IKZF1: variants seen among roughly 807,000 people sequenced by gnomAD.
The protein encoded by IKZF1 is IKAROS family zinc finger 1.
IKZF1 carries 10 observed loss-of-function variants against 51.7 expected under a neutral mutation model. The ratio of observed to expected loss-of-function variants is 0.19; its 90% CI spans 0.12 to 0.33. IKZF1 has a LOEUF of 0.33. Among genes scored for constraint, IKZF1 ranks in the 10% least tolerant of loss-of-function variants. IKZF1 has a pLI of 1.00. For synonymous variants in IKZF1, 280 were observed against 282.3 expected (o/e 0.99, Z 0.08); for missense variants, 484 against 707.5 (o/e 0.68, Z 3.58).
At position 50,326,919 on chromosome 7, in the gene IKZF1, A is replaced by G. The variant is rs1795170893; in HGVS notation, c.41-719A>G. Among the ~76,000 whole-genome samples, 4 of 152,244 alleles carry G rather than the reference A, an allele frequency of 2.6e-5. No individual in the cohort carries two copies. The South Asian group carries it at 8.3e-4, about 32-fold the overall frequency. On this transcript the variant is annotated intron_variant, in intron 2 of 7. Coordinates refer to ENST00000331340, the MANE Select transcript of IKZF1 (RefSeq NM_006060.6). Reference sequence around the variant, plus strand: ...TGGTTCTTGCAAAGAAAGTGAGCAGATGGCAGAATGTATAGCTCTAAGCAG... The same window carrying G: ...TGGTTCTTGCAAAGAAAGTGAGCAGGTGGCAGAATGTATAGCTCTAAGCAG...
intron 4 of IKZF1, among the ~76,000 whole-genome samples, chr7:50,379,452 G>A (rs774302283): frequency 2.6e-5 from 4 of 152,182 alleles, no homozygotes; most frequent in Non-Finnish European, 4.4e-5. Context: ...GCACCAGCAC[G>A]TCACTTCCCC....
intron 3 of IKZF1, among the ~76,000 whole-genome samples, chr7:50,344,452 C>T (rs1799846653): frequency 6.6e-6 from 1 of 152,206 alleles, no homozygotes. Context: ...ACCCACAGGG[C>T]AAGTCATCCA....
chr7:50,349,040 C>T (rs75076973), intron 3 of IKZF1, among the ~76,000 whole-genome samples: 4 of 152,102 alleles, frequency 2.6e-5, no homozygotes, highest in African/African-American at 9.7e-5. Flanking sequence ...GTTTATAACA[C>T]GAACGGAGGT....
intron 3 of IKZF1, among the ~76,000 whole-genome samples, chr7:50,373,861 T>C (rs1162411904): frequency 1.3e-5 from 2 of 152,166 alleles, no homozygotes; most frequent in African/African-American, 4.8e-5. Flanking sequence ...CCAGCCAGCC[T>C]CACTTGCCTG....
At position 50,387,441 on chromosome 7, in the gene IKZF1, G is replaced by A. The variant is rs1359632331; in HGVS notation, c.686G>A (p.Ser229Asn). ...GAGCGCTGCCACAACTACTTGGAAA[G>A]CATGGGCCTTCCGGGCACACTGTAC... ...HKERCHNYLESMGLPGTLYPV... is the reference protein window; with the variant it reads ...HKERCHNYLENMGLPGTLYPV... Residue 229 changes from serine to asparagine, a missense_variant, in exon 6 of 8, where the codon AGC becomes AAC. By Grantham distance (46) the Ser-to-Asn change is conservative. Transcript: ENST00000331340. 1.2e-6 allele frequency: 2 copies of A among 1,612,076 alleles called. No homozygotes were observed. The highest frequency in any genetic ancestry group is 1.7e-6 in the Non-Finnish European group (2 of 1,179,164).
chr7:50,397,193 C>A (rs978760833), intron 7 of IKZF1, among the ~76,000 whole-genome samples: 3 of 152,098 alleles, frequency 2.0e-5, no homozygotes, highest in African/African-American at 7.3e-5. Flanking sequence ...TCTTTCTAGT[C>A]TTTGAGTGTA....
chr7:50,304,579 G>C (rs1170631023), upstream of IKZF1: 1 of 151,446 alleles, frequency 6.6e-6, no homozygotes, highest in Non-Finnish European at 1.5e-5. Context: ...CCGGTCGGCC[G>C]GGAGCGCGAA....
chr7:50,350,672 A>C (rs1801640413), intron 3 of IKZF1, among the ~76,000 whole-genome samples: 1 of 152,202 alleles, frequency 6.6e-6, no homozygotes, highest in South Asian at 2.1e-4. Flanking sequence ...TGTGTCACTG[A>C]AGTGTGAACA....
At position 50,400,171 on chromosome 7, in the gene IKZF1, C is replaced by T. The variant is rs2153518400; in HGVS notation, c.1104C>T (p.Ser368=). 6.4e-7 allele frequency: 1 copy of T among 1,564,178 alleles called. No homozygotes were observed. ...TPRSNHSAQD[S]AVENLLLLSK... The stretch of plus-strand genomic sequence containing the variant: ...GCTCCAACCACTCGGCCCAGGACAG[C>T]GCCGTGGAGAACCTGCTGCTGCTCT... Residue 368 remains serine (S), a synonymous_variant, in exon 8 of 8, where the codon AGC becomes AGT. Coordinates refer to ENST00000331340, the MANE Select transcript of IKZF1 (RefSeq NM_006060.6). This position sits in a 1 kb window ranked among gnomAD's most constrained non-coding sequence, Gnocchi z 5.4.
intron 5 of IKZF1, 91 bp from the exon 6 acceptor site, chr7:50,387,254 C>T: frequency 5.0e-6 from 7 of 1,405,850 alleles, no homozygotes; most frequent in Middle Eastern, 1.9e-4. Flanking sequence ...TTTTTTTTAA[C>T]TTTTTTGGTA....
At chr7:50,319,182 T>C in intron 2 of IKZF1, 81 bp downstream of exon 2, 1 of 1,187,194 alleles carries the variant, frequency 8.4e-7, no homozygotes, top group South Asian at 1.2e-5. Context: ...CTTGGTATGC[T>C]CATGGGGGAG....
chr7:50,341,434 T>C (rs1242317750), intron 3 of IKZF1, among the ~76,000 whole-genome samples: 1 of 152,194 alleles, frequency 6.6e-6, no homozygotes, highest in Non-Finnish European at 1.5e-5. Context: ...TGAGGCACCG[T>C]ATCCAGGCTG....
Position 50,391,751 on chromosome 7 carries a change from C to T in IKZF1, c.738C>T (p.His246=). The T allele has an allele frequency of 6.2e-7, 1 of 1,613,966 alleles. No individual in the cohort carries two copies. Among genetic ancestry groups the T allele is most frequent in the Non-Finnish European group, 8.5e-7 (1 of 1,179,866 alleles). ...LYPVIKEETN[H]SEMAEDLCKI... ...TAGTCATTAAAGAAGAAACTAATCACAGTGAAATGGCAGAAGACCTGTGCA... is the reference window on the plus strand; with the variant it reads ...TAGTCATTAAAGAAGAAACTAATCATAGTGAAATGGCAGAAGACCTGTGCA... The change falls in exon 7 of 8, where the codon CAC becomes CAT. Residue 246 remains histidine, a synonymous_variant. Coordinates refer to ENST00000331340, the MANE Select transcript of IKZF1 (RefSeq NM_006060.6).
chr7:50,310,010 G>A (rs574995775), intron 1 of IKZF1, among the ~76,000 whole-genome samples: 10 of 152,144 alleles, frequency 6.6e-5, no homozygotes, highest in East Asian at 1.9e-4. Context: ...TGAGTTTTGC[G>A]TAGGGCAGAA....
rs1443073764 is a variant in IKZF1, at chr7:50,400,317, A to T, written c.1250A>T (p.His417Leu). Residue 417 changes from histidine (H) to leucine (L), a missense_variant, in exon 8 of 8, where the codon CAC (histidine) becomes CTC (leucine). Physicochemically the swap from His to Leu is moderately conservative, Grantham distance 99 (BLOSUM62 -3). Coordinates refer to ENST00000331340, the MANE Select transcript of IKZF1 (RefSeq NM_006060.6). The surrounding 1 kb of genome is among the most constrained non-coding windows in gnomAD (Gnocchi z 5.4). ...QRSGLIYLTNHIAPHARNGLS... is the reference protein window; with the variant it reads ...QRSGLIYLTNLIAPHARNGLS... ...AGCGGTCTCATCTACCTGACCAACC[A>T]CATCGCCCCGCACGCGCGCAACGGG... 3 of 1,612,832 alleles carry T rather than the reference A, an allele frequency of 1.9e-6. No homozygotes were observed. The highest frequency in any genetic ancestry group is 2.5e-6 in the Non-Finnish European group (3 of 1,179,694).
intron 5 of IKZF1, among the ~76,000 whole-genome samples, chr7:50,384,079 G>C (rs1812649295): frequency 6.6e-6 from 1 of 152,224 alleles, no homozygotes; most frequent in Admixed American, 6.5e-5. Flanking sequence ...TCCTGGGGTG[G>C]AAAGTCAGGA....
chr7:50,392,428 T>C (rs983844530), intron 7 of IKZF1, among the ~76,000 whole-genome samples: 39 of 151,860 alleles, frequency 2.6e-4, no homozygotes, highest in African/African-American at 9.2e-4. Flanking sequence ...TTCGTCTCTC[T>C]AGGAGCATTG....
At chr7:50,388,286 T>A (rs765597723) in intron 6 of IKZF1, among the ~76,000 whole-genome samples, 6 of 152,244 alleles carry the variant, frequency 3.9e-5, no homozygotes, top group Non-Finnish European at 5.9e-5. Flanking sequence ...ATCACTAGAC[T>A]GTGAGTCGAA....
At chr7:50,309,231 T>G (rs1385590860) in intron 1 of IKZF1, among the ~76,000 whole-genome samples, 1 of 152,254 alleles carries the variant, frequency 6.6e-6, no homozygotes, top group Non-Finnish European at 1.5e-5. Flanking sequence ...TTCATTTTTC[T>G]TCTGCAATCA....
Sources: gnomAD v4.1 joint callset for allele counts (sites outside exome capture counted in the v4.1 genomes callset) on GRCh38, gnomAD v4.1.1 for gene constraint, Gnocchi (gnomAD v3.1) non-coding constraint, MANE v1.5 for transcripts, NCBI Gene and HGNC (gene_info 2026-07-23, HGNC 2026-07-21) for gene names.